The following KDM4C variants were observed in gnomAD, a reference collection of about 807,000 sequenced individuals.
KDM4C encodes lysine-specific demethylase 4C.
A neutral mutation model predicts 129.3 loss-of-function variants in KDM4C; 81 were observed. That is an observed-to-expected ratio of 0.63 (90% CI 0.52 to 0.75). KDM4C has a LOEUF of 0.75. Ranked by LOEUF, KDM4C falls within the 30% of genes least tolerant of loss-of-function variation. The pLI, the probability that KDM4C is intolerant of heterozygous loss-of-function variation, is 0.00. For missense variants in KDM4C, 1,457 were observed against 1,304.0 expected, an observed-to-expected ratio of 1.12 and a Z score of -1.81; for synonymous variants, 573 against 456.1, an observed-to-expected ratio of 1.26 and a Z score of -3.26.
At chr9:6,990,626 G>A (rs553066061) in intron 12 of KDM4C, 102 bp downstream of exon 12, 1 of 699,662 alleles carries the variant, frequency 1.4e-6, no homozygotes, top group East Asian at 2.8e-5. Context: ...TCAACAAGTA[G>A]CAAATACGTA....
chr9:7,004,221 A>G (rs1821244067), intron 12 of KDM4C, among the ~76,000 whole-genome samples: 1 of 152,228 alleles, frequency 6.6e-6, no homozygotes, highest in Non-Finnish European at 1.5e-5. Context: ...CGTCACTTAC[A>G]TGTAACAAAA....
intron 8 of KDM4C, among the ~76,000 whole-genome samples, chr9:6,912,540 G>A (rs1755202686): frequency 6.6e-6 from 1 of 152,190 alleles, no homozygotes; most frequent in South Asian, 2.1e-4. Context: ...GATCATTAAT[G>A]TATGTGAATG....
intron 8 of KDM4C, among the ~76,000 whole-genome samples, chr9:6,921,070 T>G (rs944971828): frequency 2.6e-5 from 4 of 152,212 alleles, no homozygotes; most frequent in Non-Finnish European, 4.4e-5. Context: ...TGTTTCCGTC[T>G]GCCTTACATG....
chr9:6,775,987 A>G (rs1330353255), intron 1 of KDM4C, among the ~76,000 whole-genome samples: 2 of 152,220 alleles, frequency 1.3e-5, no homozygotes, highest in African/African-American at 2.4e-5. Context: ...AGGATACAAA[A>G]TCACCCCTGG....
intron 1 of KDM4C, among the ~76,000 whole-genome samples, chr9:6,729,585 G>A (rs1319428124): frequency 1.5e-5 from 2 of 134,092 alleles, no homozygotes; most frequent in Admixed American, 1.6e-4. Context: ...TATTTTTGCT[G>A]TATGTCTTGC....
At chr9:7,020,430 A>G (rs1333068217) in intron 15 of KDM4C, among the ~76,000 whole-genome samples, 2 of 152,228 alleles carry the variant, frequency 1.3e-5, no homozygotes, top group Admixed American at 1.3e-4. Flanking sequence ...CTTATGGCTT[A>G]TAAATCAGCT....
At chr9:7,070,473 A>T (rs1833042705) in intron 17 of KDM4C, among the ~76,000 whole-genome samples, 1 of 152,188 alleles carries the variant, frequency 6.6e-6, no homozygotes, top group Non-Finnish European at 1.5e-5. Context: ...ATTTCAAAAA[A>T]TCCCATCATA....
intron 4 of KDM4C, among the ~76,000 whole-genome samples, chr9:6,837,236 T>G (rs1201157288): frequency 6.6e-6 from 1 of 152,142 alleles, no homozygotes; most frequent in Non-Finnish European, 1.5e-5. Flanking sequence ...TTTTGTATTT[T>G]TTGTCGAGAT....
intron 15 of KDM4C, among the ~76,000 whole-genome samples, chr9:7,027,719 T>C (rs1433681549): frequency 2.0e-5 from 3 of 152,172 alleles, no homozygotes; most frequent in Admixed American, 6.5e-5. Context: ...TGAGGTACCA[T>C]CCAGGAGCTA....
Position 6,788,499 on chromosome 9 carries a change from A to G in KDM4C, c.-17-4473A>G, listed in dbSNP as rs147643629. On this transcript the variant is annotated intron_variant, in intron 1 of 21. Transcript: ENST00000381309. ...TCTGTTGCATTATTCTTTACCAGTCATGCAAGTGAATCTGTTTTCTAAGTA... is the reference window on the plus strand; with the variant it reads ...TCTGTTGCATTATTCTTTACCAGTCGTGCAAGTGAATCTGTTTTCTAAGTA... Among the ~76,000 whole-genome samples the G allele has an allele frequency of 2.0e-4, 30 of 152,284 alleles. No homozygotes were observed. The East Asian group carries it at 5.6e-3, about 28-fold the overall frequency.
chr9:6,866,902 TAC>T (rs1411905332), intron 5 of KDM4C, among the ~76,000 whole-genome samples: 11 of 125,232 alleles, frequency 8.8e-5, no homozygotes, highest in Non-Finnish European at 1.3e-4. Flanking sequence ...TATATATATA[TAC>T]ATATATATAT....
rs138442156 is a variant in KDM4C at position 6,825,503 on chromosome 9, G to A, written c.435+10758G>A. Among the ~76,000 whole-genome samples, 849 of 152,258 alleles carry A rather than the reference G, an allele frequency of 5.6e-3. 10 individuals carry two copies. Among genetic ancestry groups the A allele is most frequent in the African/African-American group, 0.019 (810 of 41,546 alleles). On this transcript the variant is annotated intron_variant, in intron 4 of 21. Transcript: ENST00000381309. ...CTTCAGGTAACTGCATTCCTGATATGTTTCTGAAAGAACGAATCACCTTCA... is the reference window on the plus strand; with the variant it reads ...CTTCAGGTAACTGCATTCCTGATATATTTCTGAAAGAACGAATCACCTTCA...
chr9:7,027,906 C>A (rs963612943), intron 15 of KDM4C, among the ~76,000 whole-genome samples: 4 of 152,176 alleles, frequency 2.6e-5, no homozygotes, highest in African/African-American at 9.7e-5. Flanking sequence ...TGCTGGGCTA[C>A]CACCAATATT....
intron 8 of KDM4C, among the ~76,000 whole-genome samples, chr9:6,908,102 T>G (rs1383933030): frequency 6.6e-6 from 1 of 152,202 alleles, no homozygotes; most frequent in Non-Finnish European, 1.5e-5. Flanking sequence ...TGTTTTATAT[T>G]GAAGAGAAGA....
At chr9:6,912,579 G>A (rs756145409) in intron 8 of KDM4C, among the ~76,000 whole-genome samples, 1 of 152,172 alleles carries the variant, frequency 6.6e-6, no homozygotes, top group African/African-American at 2.4e-5. Context: ...GAAAACCCAT[G>A]TACAAATTGT....
chr9:6,977,857 A>T (rs1563921289), intron 8 of KDM4C, among the ~76,000 whole-genome samples: 1 of 152,104 alleles, frequency 6.6e-6, no homozygotes, highest in South Asian at 2.1e-4. Flanking sequence ...GATTCTTCAG[A>T]ACCACTATGC....
chr9:6,885,868 G>T (rs1325917909), intron 6 of KDM4C, among the ~76,000 whole-genome samples: 3 of 152,148 alleles, frequency 2.0e-5, no homozygotes, highest in Non-Finnish European at 4.4e-5. Context: ...TTAATATACT[G>T]CAAATTACCT....
intron 19 of KDM4C, among the ~76,000 whole-genome samples, chr9:7,129,923 C>G (rs1014530928): frequency 1.3e-5 from 2 of 152,118 alleles, no homozygotes; most frequent in Admixed American, 6.5e-5. Context: ...CAAGGTCACA[C>G]ATAATTAAGA....
chr9:6,835,184 G>A, intron 4 of KDM4C: 1 of 938,732 alleles, frequency 1.1e-6, no homozygotes, highest in Non-Finnish European at 1.8e-6. Flanking sequence ...CTGACTGACG[G>A]CCAGGTCATC....
Sources: allele counts gnomAD v4.1 joint callset (sites outside exome capture counted in the v4.1 genomes callset), GRCh38; gene constraint gnomAD v4.1.1; transcripts MANE v1.5; gene names NCBI Gene and HGNC (gene_info 2026-07-23, HGNC 2026-07-21).